PDGFRA: variants seen among roughly 807,000 people sequenced by gnomAD.
The protein encoded by PDGFRA is platelet derived growth factor receptor alpha, also known as platelet-derived growth factor receptor alpha.
Under a neutral mutation model 121.5 loss-of-function variants are expected in PDGFRA, and 25 were observed. The observed-to-expected ratio is 0.21, with a 90% CI of 0.15 to 0.29. The LOEUF (loss-of-function observed/expected upper bound fraction) is 0.29. Among genes scored for constraint, PDGFRA ranks in the 10% least tolerant of loss-of-function variants. The pLI, the probability that PDGFRA is intolerant of heterozygous loss-of-function variation, is 1.00. For synonymous variants in PDGFRA, 463 were observed against 494.8 expected, an observed-to-expected ratio of 0.94 and a Z score of 0.85; for missense variants, 1,008 against 1,345.1, an observed-to-expected ratio of 0.75 and a Z score of 3.92.
intron 10 of PDGFRA, 65 bp from the exon 11 acceptor site, chr4:54,274,466 C>G (rs1723593538): frequency 8.7e-7 from 1 of 1,143,408 alleles, no homozygotes; most frequent in African/African-American, 1.5e-5. Context: ...AGCCACACTA[C>G]CTTGCTGCCC....
At chr4:54,234,683 G>C (rs1020469662) in intron 1 of PDGFRA, among the ~76,000 whole-genome samples, 2 of 152,058 alleles carry the variant, frequency 1.3e-5, no homozygotes, top group African/African-American at 4.8e-5. Context: ...CTTATTATCA[G>C]AGCTGGCCTG....
At chr4:54,236,875 C>A (rs994077521) in intron 1 of PDGFRA, among the ~76,000 whole-genome samples, 1 of 152,126 alleles carries the variant, frequency 6.6e-6, no homozygotes, top group Non-Finnish European at 1.5e-5. Context: ...ACCCAGGGAA[C>A]CACTGTTATC....
intron 22 of PDGFRA, among the ~76,000 whole-genome samples, chr4:54,291,357 G>A (rs116120490): frequency 3.9e-5 from 6 of 152,170 alleles, no homozygotes; most frequent in African/African-American, 9.7e-5. Flanking sequence ...TAACTACAAT[G>A]CCGTTATCTC....
chr4:54,292,731 C>T (rs757444336), intron 22 of PDGFRA, among the ~76,000 whole-genome samples: 9 of 152,222 alleles, frequency 5.9e-5, no homozygotes, highest in Non-Finnish European at 1.0e-4. Context: ...TTTGCAGCAA[C>T]GTGGATGGAG....
intron 22 of PDGFRA, among the ~76,000 whole-genome samples, chr4:54,290,967 G>T (rs13147194): frequency 0.76 from 115,027 of 152,056 alleles, 45,249 homozygotes; most frequent in Middle Eastern, 0.89. Flanking sequence ...CCTGTGAATT[G>T]GAATCACCTG....
At chr4:54,260,426 T>G (rs1332031769) in intron 2 of PDGFRA, among the ~76,000 whole-genome samples, 5 of 113,158 alleles carry the variant, frequency 4.4e-5, no homozygotes, top group African/African-American at 1.8e-4. Context: ...TTTTTTTTTT[T>G]GAGACAGGGT....
intron 1 of PDGFRA, among the ~76,000 whole-genome samples, chr4:54,232,576 A>G (rs1159140894): frequency 6.6e-6 from 1 of 152,122 alleles, no homozygotes; most frequent in African/African-American, 2.4e-5. Context: ...GCAAGGTGGC[A>G]CCAGAAGGCA....
At chr4:54,287,239 T>C (rs565617373) in intron 18 of PDGFRA, among the ~76,000 whole-genome samples, 191 bp from the exon 19 acceptor site, 16 of 152,318 alleles carry the variant, frequency 1.1e-4, no homozygotes, top group African/African-American at 3.6e-4. Flanking sequence ...CATCTAGTAT[T>C]TATTGAGCAC....
At position 54,263,751 on chromosome 4, in the gene PDGFRA, G is replaced by A. The variant is rs1060501501; in HGVS notation, c.452G>A (p.Arg151His). 1.9e-6 allele frequency: 3 copies of A among 1,613,912 alleles called. No individual in the cohort carries two copies. Among genetic ancestry groups the A allele is most frequent in the African/African-American group, 1.3e-5 (1 of 74,992 alleles). Reference protein sequence around the residue: ...EDDDSAIIPCRTTDPETPVTL... With the variant: ...EDDDSAIIPCHTTDPETPVTL... ...GATGATTCTGCCATTATACCTTGTC[G>A]CACAACTGATCCCGAGACTCCTGTA... The change falls in exon 4 of 23, where the codon CGC (arginine) becomes CAC (histidine). Residue 151 changes from arginine to histidine, a missense_variant. This residue lies in a region of PDGFRA where 575 missense variants were observed against 701.8 expected (regional missense o/e 0.82). Coordinates refer to ENST00000257290, the MANE Select transcript of PDGFRA (RefSeq NM_006206.6).
At chr4:54,284,716 C>T (rs576850629) in intron 16 of PDGFRA, among the ~76,000 whole-genome samples, 23 of 152,076 alleles carry the variant, frequency 1.5e-4, no homozygotes, top group South Asian at 1.5e-3. Flanking sequence ...ATCCAGTCAC[C>T]TCCCACCAGG....
At chr4:54,231,762 A>G (rs139242113) in intron 1 of PDGFRA, among the ~76,000 whole-genome samples, 3 of 152,362 alleles carry the variant, frequency 2.0e-5, no homozygotes, top group African/African-American at 7.2e-5. Context: ...AGTGAGGGGA[A>G]GCCAAGAATG....
intron 3 of PDGFRA, 137 bp from the exon 4 acceptor site, chr4:54,263,530 G>T (rs1722863893): frequency 1.2e-6 from 1 of 839,020 alleles, no homozygotes; most frequent in Non-Finnish European, 2.0e-6. Flanking sequence ...ATGCCAGTGG[G>T]GCAATTCTTC....
chr4:54,281,786 C>G, intron 16 of PDGFRA: 2 of 1,313,596 alleles, frequency 1.5e-6, no homozygotes, highest in Non-Finnish European at 9.9e-7. Context: ...CCTCGAAAAC[C>G]CTGGGACCCT....
At chr4:54,248,300 A>G (rs983969134) in intron 1 of PDGFRA, among the ~76,000 whole-genome samples, 2 of 152,230 alleles carry the variant, frequency 1.3e-5, no homozygotes, top group Non-Finnish European at 2.9e-5. Context: ...GCATCACGCT[A>G]CCTGACTTCA....
chr4:54,245,304 A>G (rs1721574591), intron 1 of PDGFRA, among the ~76,000 whole-genome samples: 1 of 152,220 alleles, frequency 6.6e-6, no homozygotes, highest in African/African-American at 2.4e-5. Flanking sequence ...TGTTAAGGGC[A>G]GCCAGAGAGT....
chr4:54,263,993 G>GTTT, intron 4 of PDGFRA, 66 bp downstream of exon 4: 1 of 1,454,644 alleles, frequency 6.9e-7, no homozygotes, highest in Non-Finnish European at 9.4e-7. Context: ...GTGCGTGTAG[G>GTTT]ATTTTTTTTT....
chr4:54,236,526 G>A (rs1322834477), intron 1 of PDGFRA, among the ~76,000 whole-genome samples: 1 of 152,192 alleles, frequency 6.6e-6, no homozygotes, highest in Non-Finnish European at 1.5e-5. Flanking sequence ...CAAACACGCT[G>A]AGCACAGTGG....
rs1442688997 is a variant in PDGFRA, at chr4:54,288,026, G to A, written c.2674+485G>A. Reference sequence around the variant, plus strand: ...GGTGCTGAACAACCCAGGTGCCCTGGGCTATCCGGTGAGGTCCCTAAGAGA... The same window carrying A: ...GGTGCTGAACAACCCAGGTGCCCTGAGCTATCCGGTGAGGTCCCTAAGAGA... On this transcript the variant is annotated intron_variant, in intron 19 of 22. Coordinates refer to ENST00000257290, the MANE Select transcript of PDGFRA (RefSeq NM_006206.6). 2.0e-5 allele frequency among the ~76,000 whole-genome samples: 3 copies of A among 152,110 alleles called. No homozygotes were observed. The East Asian group carries it at 5.8e-4, about 29-fold the overall frequency.
chr4:54,289,073 A>C lies in PDGFRA; in HGVS notation c.2839A>C (p.Ser947Arg). The change falls in exon 21 of 23, where the codon AGT (serine) becomes CGT (arginine). Residue 947 changes from serine (S) to arginine (R), a missense_variant. By Grantham distance (110) the Ser-to-Arg change is moderately radical. Coordinates refer to ENST00000257290, the MANE Select transcript of PDGFRA (RefSeq NM_006206.6). Reference protein sequence around the residue: ...PEKRPSFYHLSEIVENLLPGQ... With the variant: ...PEKRPSFYHLREIVENLLPGQ... ...GAAGAGACCCTCCTTTTACCACCTGAGTGAGATTGTGGAGAATCTGCTGCC... is the reference window on the plus strand; with the variant it reads ...GAAGAGACCCTCCTTTTACCACCTGCGTGAGATTGTGGAGAATCTGCTGCC... The C allele has an allele frequency of 3.1e-6, 5 of 1,609,684 alleles. No homozygotes were observed. Among genetic ancestry groups the C allele is most frequent in the Non-Finnish European group, 4.3e-6 (5 of 1,176,176 alleles).
Sources: allele counts gnomAD v4.1 joint callset (sites outside exome capture counted in the v4.1 genomes callset), GRCh38; gene constraint gnomAD v4.1.1; regional missense constraint gnomAD v4.1.1; transcripts MANE v1.5; gene names NCBI Gene and HGNC (gene_info 2026-07-23, HGNC 2026-07-21).